The following PTPN4 variants were observed in gnomAD, a reference collection of about 807,000 sequenced individuals.
PTPN4 encodes protein tyrosine phosphatase non-receptor type 4.
In PTPN4, 49 loss-of-function variants were observed where a neutral mutation model predicts 135.5. The observed-to-expected ratio is 0.36, with a 90% confidence interval of 0.29 to 0.46. The LOEUF (loss-of-function observed/expected upper bound fraction) is 0.46. PTPN4 is among the 20% of genes least tolerant of loss of function. PTPN4 has a pLI of 1.00. For synonymous variants in PTPN4, 333 were observed against 369.9 expected (o/e 0.90, Z 1.14); for missense variants, 860 against 1,101.0 (o/e 0.78, Z 3.10).
intron 19 of PTPN4, 48 bp from the exon 20 acceptor site, chr2:119,955,109 T>C: frequency 6.7e-7 from 1 of 1,486,504 alleles, no homozygotes; most frequent in South Asian, 1.3e-5. Flanking sequence ...TCGTGTGAAT[T>C]CATTAAGATT....
chr2:119,840,807 T>TTTTCTA (rs1333045856), intron 2 of PTPN4, among the ~76,000 whole-genome samples: 3 of 152,258 alleles, frequency 2.0e-5, no homozygotes, highest in African/African-American at 7.2e-5. Context: ...GGTATCTCAT[T>TTTTCTA]GTGGTTTTGA....
chr2:119,920,283 GTTTCCTTTCTTTAAAAT>G (rs1436434171), intron 12 of PTPN4, 42 bp downstream of exon 12: 6 of 1,524,668 alleles, frequency 3.9e-6, no homozygotes, highest in Non-Finnish European at 5.3e-6. Flanking sequence ...GTTGGATTTT[GTTTCCTTTCTTTAAAAT>G]AAAGATGTAG....
chr2:119,941,990 T>C lies in PTPN4; in HGVS notation c.1356-3091T>C, dbSNP rs147073368. 2.7e-3 allele frequency among the ~76,000 whole-genome samples: 412 copies of C among 152,314 alleles called. 2 individuals are homozygous for C. Among genetic ancestry groups the C allele is most frequent in the Non-Finnish European group, 4.8e-3 (325 of 68,018 alleles). ...ACTGCAGGCCCATTCTTTCCGGAGC[T>C]TCCAGATTTTTCATCTTGAAAATCT... On this transcript the variant is annotated intron_variant, in intron 15 of 26. Coordinates refer to ENST00000263708, the MANE Select transcript of PTPN4 (RefSeq NM_002830.4).
chr2:119,882,750 T>C (rs988804148), intron 8 of PTPN4, 127 bp downstream of exon 8: 2 of 834,856 alleles, frequency 2.4e-6, no homozygotes, highest in Non-Finnish European at 3.4e-6. Context: ...AATAATATTA[T>C]CATAAAGAAA....
At chr2:119,789,259 C>T (rs1262409571) in intron 1 of PTPN4, among the ~76,000 whole-genome samples, 1 of 151,940 alleles carries the variant, frequency 6.6e-6, no homozygotes, top group Admixed American at 6.6e-5. Context: ...GTTCTTTGTC[C>T]TTTTTAAATT....
chr2:119,946,406 G>T lies in PTPN4; in HGVS notation c.1581G>T (p.Arg527Ser). ...LIRMKPDENG[R>S]FGFNVKGGYD... ...GAATGAAACCTGATGAAAATGGGAG[G>T]TTTGGATTCAATGTAAAGGTAATCT... The change falls in exon 17 of 27, where the codon AGG becomes AGT. Residue 527 changes from arginine to serine, a missense_variant. Transcript: ENST00000263708. 6.2e-7 allele frequency: 1 copy of T among 1,610,594 alleles called. No individual in the cohort carries two copies.
intron 24 of PTPN4, 43 bp from the exon 25 acceptor site, chr2:119,965,454 A>G (rs371823076): frequency 4.0e-5 from 62 of 1,542,734 alleles, no homozygotes; most frequent in Non-Finnish European, 4.8e-5. Context: ...GACAATTTCA[A>G]TAATACATAA....
intron 2 of PTPN4, among the ~76,000 whole-genome samples, chr2:119,861,908 T>G (rs1030431755): frequency 6.6e-6 from 1 of 152,164 alleles, no homozygotes; most frequent in Non-Finnish European, 1.5e-5. Flanking sequence ...CTCTGAGTAC[T>G]TTGGCAATGA....
chr2:119,786,695 C>T (rs1691054093), intron 1 of PTPN4, among the ~76,000 whole-genome samples: 1 of 152,164 alleles, frequency 6.6e-6, no homozygotes, highest in Non-Finnish European at 1.5e-5. Context: ...GTCACTGCGT[C>T]ATTTCTGCTA....
chr2:119,838,890 G>A (rs1677337871), intron 2 of PTPN4, among the ~76,000 whole-genome samples: 1 of 152,148 alleles, frequency 6.6e-6, no homozygotes, highest in Non-Finnish European at 1.5e-5. Flanking sequence ...ACAGCCTACT[G>A]GGGATTTTGG....
chr2:119,934,155 A>G (rs1030068183), intron 14 of PTPN4, among the ~76,000 whole-genome samples: 5 of 152,316 alleles, frequency 3.3e-5, no homozygotes, highest in African/African-American at 9.6e-5. Context: ...GGTTAAGAGC[A>G]TGGGCCCTGG....
At chr2:119,883,509 A>C (rs1265750952) in intron 8 of PTPN4, among the ~76,000 whole-genome samples, 1 of 152,158 alleles carries the variant, frequency 6.6e-6, no homozygotes, top group Admixed American at 6.5e-5. Flanking sequence ...GTTGCCTTGA[A>C]TAGAAAGTAA....
At chr2:119,879,161 G>A (rs1678032787) in intron 5 of PTPN4, among the ~76,000 whole-genome samples, 1 of 151,600 alleles carries the variant, frequency 6.6e-6, no homozygotes, top group African/African-American at 2.4e-5. Flanking sequence ...TAATATTGTA[G>A]CCCTTAAAAT....
chr2:119,882,749 A>C, intron 8 of PTPN4, 126 bp downstream of exon 8: 1 of 834,186 alleles, frequency 1.2e-6, no homozygotes, highest in Non-Finnish European at 1.7e-6. Context: ...AAATAATATT[A>C]TCATAAAGAA....
intron 9 of PTPN4, among the ~76,000 whole-genome samples, chr2:119,891,359 G>A (rs968909119): frequency 2.6e-5 from 4 of 152,102 alleles, no homozygotes; most frequent in African/African-American, 7.2e-5. Flanking sequence ...GTCTTGCTCT[G>A]TTGCCCAGGT....
At chr2:119,927,351 T>TC (rs148149417) in intron 13 of PTPN4, among the ~76,000 whole-genome samples, 41,006 of 151,632 alleles carry the variant, frequency 0.27, 5,620 homozygotes, top group South Asian at 0.32. Context: ...CCTCAGGTGA[T>TC]CCCCCCCACC....
intron 2 of PTPN4, among the ~76,000 whole-genome samples, chr2:119,859,093 T>C (rs936524179): frequency 2.6e-5 from 4 of 152,230 alleles, no homozygotes; most frequent in African/African-American, 9.6e-5. Flanking sequence ...TTGGTTCTTT[T>C]ATATCTTCTA....
intron 2 of PTPN4, among the ~76,000 whole-genome samples, chr2:119,826,598 C>A (rs558134933): frequency 1.3e-5 from 2 of 152,276 alleles, no homozygotes; most frequent in South Asian, 2.1e-4. Context: ...AACTTCCTTA[C>A]AATACACAGT....
At chr2:119,953,664 AT>A (rs1679239527) in intron 19 of PTPN4, among the ~76,000 whole-genome samples, 1 of 152,188 alleles carries the variant, frequency 6.6e-6, no homozygotes, top group South Asian at 2.1e-4. Flanking sequence ...GAACTCAATA[AT>A]ATTAGCTAAT....
Sources: gnomAD v4.1 joint callset for allele counts (sites outside exome capture counted in the v4.1 genomes callset) on GRCh38, gnomAD v4.1.1 for gene constraint, MANE v1.5 for transcripts, NCBI Gene and HGNC (gene_info 2026-07-23, HGNC 2026-07-21) for gene names.